Variants in CADM2 observed in about 807,000 individuals in gnomAD.
CADM2 encodes the protein immunoglobulin superfamily member 4D.
A neutral mutation model predicts 49.8 loss-of-function variants in CADM2; 12 were observed. The observed-to-expected ratio is 0.24, with a 90% confidence interval of 0.15 to 0.39. The LOEUF (loss-of-function observed/expected upper bound fraction) is 0.39, where lower values mean the gene tolerates loss of function less well. Among genes scored for constraint, CADM2 ranks in the 10% least tolerant of loss-of-function variants. The pLI is 1.00. For synonymous variants in CADM2, 214 were observed against 175.4 expected (o/e 1.22, Z -1.74); for missense variants, 378 against 492.3 (o/e 0.77, Z 2.20).
At chr3:85,212,363 T>A (rs2041799051) in intron 1 of CADM2, among the ~76,000 whole-genome samples, 1 of 152,166 alleles carries the variant, frequency 6.6e-6, no homozygotes, top group Non-Finnish European at 1.5e-5. Flanking sequence ...TTTCTTTCCT[T>A]CCTGTCTTTG....
chr3:85,910,717 A>G (rs1717468221), intron 5 of CADM2, among the ~76,000 whole-genome samples: 1 of 152,082 alleles, frequency 6.6e-6, no homozygotes. Flanking sequence ...GAATTGCCTA[A>G]CATACATAAA....
intron 1 of CADM2, among the ~76,000 whole-genome samples, chr3:85,619,030 ACT>A (rs528944774): frequency 1.5e-5 from 2 of 135,038 alleles, no homozygotes; most frequent in Admixed American, 8.1e-5. Context: ...ACAGAATGAG[ACT>A]CTGTCTCAAA....
intron 1 of CADM2, among the ~76,000 whole-genome samples, chr3:85,305,255 T>C (rs2044186148): frequency 6.6e-6 from 1 of 151,644 alleles, no homozygotes; most frequent in Non-Finnish European, 1.5e-5. Context: ...GTTTCCTTCT[T>C]ACCACAGTAG....
intron 1 of CADM2, among the ~76,000 whole-genome samples, chr3:85,195,974 T>A (rs2041334725): frequency 6.6e-6 from 1 of 152,088 alleles, no homozygotes; most frequent in Non-Finnish European, 1.5e-5. Flanking sequence ...AATCAGACAA[T>A]TTACCCAAGT....
intron 8 of CADM2, among the ~76,000 whole-genome samples, chr3:86,002,461 C>G (rs1730304931): frequency 6.6e-6 from 1 of 151,986 alleles, no homozygotes; most frequent in Non-Finnish European, 1.5e-5. Context: ...ATTGTGCCAC[C>G]CTAGGGTGAT....
intron 1 of CADM2, among the ~76,000 whole-genome samples, chr3:85,210,620 C>A (rs191205098): frequency 1.7e-4 from 26 of 152,206 alleles, no homozygotes; most frequent in Non-Finnish European, 2.6e-4. Flanking sequence ...TGGCTCACTG[C>A]ATCTTCTGCC....
chr3:85,630,965 A>G (rs1474239537), intron 1 of CADM2, among the ~76,000 whole-genome samples: 2 of 152,044 alleles, frequency 1.3e-5, no homozygotes, highest in Non-Finnish European at 2.9e-5. Context: ...AGACATATCT[A>G]GGCACTTTCT....
chr3:85,782,675 A>G (rs2070731428), intron 2 of CADM2, among the ~76,000 whole-genome samples: 2 of 151,876 alleles, frequency 1.3e-5, no homozygotes, highest in African/African-American at 4.8e-5. Context: ...AAAGAAAAAA[A>G]AAAGAAAAAA....
intron 1 of CADM2, among the ~76,000 whole-genome samples, chr3:85,529,885 T>G (rs2061258543): frequency 6.6e-6 from 1 of 152,162 alleles, no homozygotes; most frequent in Non-Finnish European, 1.5e-5. Flanking sequence ...TCTTATAAAT[T>G]AAATCCCTCT....
intron 1 of CADM2, among the ~76,000 whole-genome samples, chr3:85,444,908 T>A (rs892244877): frequency 2.6e-5 from 4 of 152,166 alleles, no homozygotes; most frequent in Non-Finnish European, 5.9e-5. Flanking sequence ...GAAAATATTC[T>A]CATCATATTC....
chr3:85,467,422 A>G (rs2038546547), intron 1 of CADM2, among the ~76,000 whole-genome samples: 1 of 152,164 alleles, frequency 6.6e-6, no homozygotes, highest in Non-Finnish European at 1.5e-5. Flanking sequence ...AACACCTCAA[A>G]TATTGGAAAT....
At chr3:85,180,919 T>C (rs562341454) in intron 1 of CADM2, among the ~76,000 whole-genome samples, 2 of 152,264 alleles carry the variant, frequency 1.3e-5, no homozygotes, top group Admixed American at 1.3e-4. Context: ...TACTAATGCT[T>C]CCAGGTATAA....
intron 1 of CADM2, among the ~76,000 whole-genome samples, chr3:85,221,454 A>C (rs1279751962): frequency 6.6e-6 from 1 of 152,148 alleles, no homozygotes; most frequent in Admixed American, 6.6e-5. Flanking sequence ...TCTTCACACC[A>C]TCTAATTTCT....
intron 1 of CADM2, among the ~76,000 whole-genome samples, chr3:85,565,708 A>G (rs1026113834): frequency 3.3e-5 from 5 of 152,092 alleles, no homozygotes; most frequent in Admixed American, 3.3e-4. Flanking sequence ...AGTCTTTTCT[A>G]AGCTGTAAGA....
chr3:85,936,349 G>A (rs1473134796), intron 7 of CADM2, among the ~76,000 whole-genome samples: 3 of 151,650 alleles, frequency 2.0e-5, no homozygotes, highest in East Asian at 1.9e-4. Context: ...TAATTGTAAA[G>A]TAATTTCAAT....
intron 1 of CADM2, among the ~76,000 whole-genome samples, chr3:85,103,666 A>T (rs1014693076): frequency 6.6e-6 from 1 of 152,180 alleles, no homozygotes; most frequent in Non-Finnish European, 1.5e-5. Context: ...TGAAAAATAT[A>T]TTTGATTTTT....
chr3:85,201,527 G>T (rs904424777), intron 1 of CADM2, among the ~76,000 whole-genome samples: 2 of 152,110 alleles, frequency 1.3e-5, no homozygotes, highest in African/African-American at 4.8e-5. Flanking sequence ...TTAAAATAAT[G>T]CAATGATGAA....
chr3:85,609,208 A>T (rs1445726995), intron 1 of CADM2, among the ~76,000 whole-genome samples: 2 of 152,076 alleles, frequency 1.3e-5, no homozygotes, highest in Non-Finnish European at 2.9e-5. Context: ...GTGAAGAATG[A>T]TTCCCTAAGA....
intron 8 of CADM2, among the ~76,000 whole-genome samples, chr3:86,011,785 A>T (rs1018197476): frequency 6.6e-6 from 1 of 152,154 alleles, no homozygotes; most frequent in African/African-American, 2.4e-5. Context: ...ATAGGTAGAG[A>T]TTCAGTAAGG....
Sources: allele counts gnomAD v4.1 joint callset (sites outside exome capture counted in the v4.1 genomes callset), GRCh38; gene constraint gnomAD v4.1.1; transcripts MANE v1.5; gene names NCBI Gene and HGNC (gene_info 2026-07-23, HGNC 2026-07-21).